The following GRID2 variants were observed in gnomAD, a reference collection of about 807,000 sequenced individuals.
GRID2 encodes glutamate receptor ionotropic, delta-2.
Under a neutral mutation model 114.8 loss-of-function variants are expected in GRID2, and 33 were observed. The observed-to-expected ratio is 0.29, with a 90% CI of 0.22 to 0.38. The LOEUF (loss-of-function observed/expected upper bound fraction) is 0.38, where lower values mean the gene tolerates loss of function less well. Among genes scored for constraint, GRID2 ranks in the 10% least tolerant of loss-of-function variants. GRID2 has a pLI of 1.00. For missense variants in GRID2, 1,184 were observed against 1,257.7 expected, an observed-to-expected ratio of 0.94 and a Z score of 0.89; for synonymous variants, 505 against 449.9, an observed-to-expected ratio of 1.12 and a Z score of -1.55.
intron 2 of GRID2, among the ~76,000 whole-genome samples, chr4:92,651,785 G>A (rs1428395502): frequency 6.6e-6 from 1 of 152,112 alleles, no homozygotes; most frequent in Non-Finnish European, 1.5e-5. Flanking sequence ...CCATTGAGAG[G>A]ATTTCCTGTT....
intron 2 of GRID2, among the ~76,000 whole-genome samples, chr4:93,073,323 A>C (rs2149307610): frequency 6.6e-6 from 1 of 152,286 alleles, no homozygotes; most frequent in East Asian, 1.9e-4. Flanking sequence ...AGATAATGTA[A>C]ACTTATGGTA....
At chr4:93,763,141 G>C (rs1384220597) in intron 14 of GRID2, among the ~76,000 whole-genome samples, 1 of 152,096 alleles carries the variant, frequency 6.6e-6, no homozygotes, top group Non-Finnish European at 1.5e-5. Flanking sequence ...GGACCTGCAA[G>C]AGACCAGCCA....
intron 14 of GRID2, among the ~76,000 whole-genome samples, chr4:93,646,986 AT>A (rs1722168030): frequency 2.6e-5 from 4 of 152,292 alleles, no homozygotes; most frequent in Admixed American, 2.6e-4. Context: ...TATTAGACAG[AT>A]TAATCTAAGT....
Position 93,772,699 on chromosome 4 carries a change from T to A in GRID2, c.*201T>A, listed in dbSNP as rs2110342329. 1 of 523,692 alleles carries A rather than the reference T, an allele frequency of 1.9e-6. No homozygotes were observed. Among genetic ancestry groups the A allele is most frequent in the Middle Eastern group, 4.8e-4 (1 of 2,088 alleles). The allele number at this position is 523,692 out of a possible 1,614,324, so 32.4% of individuals were successfully genotyped here. A position where few individuals can be genotyped will look rare whatever the true frequency, so the allele number is the denominator to read the frequency against. The stretch of plus-strand genomic sequence containing the variant: ...TCTTTCCCCCTCCCTTCCTGTACAT[T>A]TTCCTCCACTTTTTTTCATTACTCA... On this transcript the variant is annotated 3_prime_UTR_variant, in exon 16 of 16. Coordinates refer to ENST00000282020, the MANE Select transcript of GRID2 (RefSeq NM_001510.4).
intron 2 of GRID2, among the ~76,000 whole-genome samples, chr4:92,759,950 A>AATTGG (rs1483201549): frequency 1.3e-5 from 2 of 151,698 alleles, no homozygotes; most frequent in African/African-American, 4.8e-5. Flanking sequence ...TGGAGGAAGG[A>AATTGG]ATTGGTCATA....
At chr4:92,669,891 T>C (rs1246795023) in intron 2 of GRID2, among the ~76,000 whole-genome samples, 1 of 152,054 alleles carries the variant, frequency 6.6e-6, no homozygotes, top group East Asian at 1.9e-4. Context: ...ACTATCATGA[T>C]TTCTTGCATT....
At chr4:92,769,114 G>T (rs768726384) in intron 2 of GRID2, among the ~76,000 whole-genome samples, 4 of 152,138 alleles carry the variant, frequency 2.6e-5, no homozygotes, top group Non-Finnish European at 4.4e-5. Flanking sequence ...TAGATACAAT[G>T]GGGGGTACAG....
intron 1 of GRID2, among the ~76,000 whole-genome samples, chr4:92,533,655 A>G (rs957058213): frequency 3.3e-5 from 5 of 152,140 alleles, no homozygotes; most frequent in Non-Finnish European, 1.5e-5. Flanking sequence ...GAAGGCACAT[A>G]ACACATATGA....
At chr4:93,690,763 C>T (rs6814829) in intron 14 of GRID2, among the ~76,000 whole-genome samples, 6,231 of 151,470 alleles carry the variant, frequency 0.041, 197 homozygotes, top group African/African-American at 0.081. Context: ...GTGCATTATA[C>T]TGGAATGATT....
intron 1 of GRID2, among the ~76,000 whole-genome samples, chr4:92,489,769 C>T (rs1340011994): frequency 1.3e-5 from 2 of 151,696 alleles, no homozygotes; most frequent in Non-Finnish European, 2.9e-5. Flanking sequence ...TCACATGAAC[C>T]TGGGAGCTGG....
At chr4:93,335,706 T>TTTTTTTA (rs747465298) in intron 8 of GRID2, among the ~76,000 whole-genome samples, 3 of 141,804 alleles carry the variant, frequency 2.1e-5, no homozygotes, top group Non-Finnish European at 3.1e-5. Flanking sequence ...TTTTTTTTTT[T>TTTTTTTA]GAGACAGGGT....
At chr4:93,462,726 AAT>A (rs1390615468) in intron 11 of GRID2, among the ~76,000 whole-genome samples, 1 of 152,200 alleles carries the variant, frequency 6.6e-6, no homozygotes, top group African/African-American at 2.4e-5. Flanking sequence ...CATCAATTTT[AAT>A]AGTGTAGATA....
At chr4:93,405,821 C>T (rs1022043568) in intron 9 of GRID2, among the ~76,000 whole-genome samples, 8 of 152,018 alleles carry the variant, frequency 5.3e-5, no homozygotes, top group Non-Finnish European at 2.9e-5. Context: ...AAGACAAAAC[C>T]AGTTCCACAT....
At chr4:93,448,175 G>C (rs979276219) in intron 10 of GRID2, among the ~76,000 whole-genome samples, 1 of 151,726 alleles carries the variant, frequency 6.6e-6, no homozygotes, top group African/African-American at 2.4e-5. Context: ...GGGAAAATAG[G>C]ATATCGTAAT....
chr4:93,239,511 A>G (rs1186780130), intron 8 of GRID2, among the ~76,000 whole-genome samples: 1 of 151,496 alleles, frequency 6.6e-6, no homozygotes, highest in Admixed American at 6.6e-5. Context: ...GATGCAAAAC[A>G]ACCTAGACAA....
chr4:93,775,524 C>G (rs757736099), downstream of GRID2, among the ~76,000 whole-genome samples: 35 of 152,158 alleles, frequency 2.3e-4, no homozygotes, highest in Admixed American at 4.6e-4. Flanking sequence ...GGTTATTTAC[C>G]CAGGGCCATA....
intron 14 of GRID2, among the ~76,000 whole-genome samples, chr4:93,627,984 G>A (rs1742879813): frequency 6.6e-6 from 1 of 152,088 alleles, no homozygotes; most frequent in South Asian, 2.1e-4. Context: ...GACCAGCCTG[G>A]CCAACATGGA....
At chr4:93,221,899 A>C (rs1243690022) in intron 6 of GRID2, among the ~76,000 whole-genome samples, 1 of 152,138 alleles carries the variant, frequency 6.6e-6, no homozygotes, top group Non-Finnish European at 1.5e-5. Context: ...CACCTTTAAG[A>C]CTAGCATAGA....
intron 2 of GRID2, among the ~76,000 whole-genome samples, chr4:92,920,060 G>T (rs1230858779): frequency 6.6e-6 from 1 of 152,198 alleles, no homozygotes; most frequent in South Asian, 2.1e-4. Context: ...ATTTAGGATA[G>T]TTAGCTCTTC....
Sources: gnomAD v4.1 joint callset for allele counts (sites outside exome capture counted in the v4.1 genomes callset) on GRCh38, gnomAD v4.1.1 for gene constraint, MANE v1.5 for transcripts, NCBI Gene and HGNC (gene_info 2026-07-23, HGNC 2026-07-21) for gene names.